UGGT1: variants seen among roughly 807,000 people sequenced by gnomAD.
UGGT1 encodes the protein UDP-glucose:glycoprotein glucosyltransferase 1.
Under a neutral mutation model 203.9 loss-of-function variants are expected in UGGT1, and 107 were observed. The ratio of observed to expected loss-of-function variants is 0.52; its 90% confidence interval spans 0.45 to 0.62. UGGT1 has a LOEUF of 0.62. Among genes scored for constraint, UGGT1 ranks in the 20% least tolerant of loss-of-function variants. UGGT1 has a pLI of 0.00. For synonymous variants in UGGT1, 628 were observed against 653.5 expected (o/e 0.96, Z 0.59); for missense variants, 1,673 against 1,867.2 (o/e 0.90, Z 1.92).
intron 23 of UGGT1, 99 bp downstream of exon 23, chr2:128,159,819 T>C: frequency 7.9e-7 from 1 of 1,267,396 alleles, no homozygotes; most frequent in Non-Finnish European, 1.1e-6. Context: ...CGATTTGTCA[T>C]TTTAGTCCTG....
intron 12 of UGGT1, 119 bp from the exon 13 acceptor site, chr2:128,128,910 A>G (rs1688743443): frequency 2.0e-6 from 2 of 1,014,388 alleles, no homozygotes; most frequent in Non-Finnish European, 2.8e-6. Context: ...TGCTTTTTTA[A>G]ATTTCTCAAT....
At position 128,189,838 on chromosome 2, in the gene UGGT1, C is replaced by A; in HGVS notation, c.*96C>A. 1 of 1,437,642 alleles carries A rather than the reference C, an allele frequency of 7.0e-7. No homozygotes were observed. The highest frequency in any genetic ancestry group is 1.9e-5 in the Admixed American group (1 of 52,626). 89.1% of individuals were successfully genotyped at this position (1,437,642 alleles called of 1,614,324 possible). On this transcript the variant is annotated 3_prime_UTR_variant, in exon 41 of 41. Transcript: ENST00000259253. The stretch of plus-strand genomic sequence containing the variant: ...TCTGTCTATACAACTGCTGATAAGC[C>A]GGCTGGGCAGGAGTGCCACACCTTT...
At position 128,172,689 on chromosome 2, in the gene UGGT1, T is replaced by C; in HGVS notation, c.3221T>C (p.Leu1074Ser). The C allele has an allele frequency of 6.2e-7, 1 of 1,614,170 alleles. No individual in the cohort carries two copies. The highest frequency in any genetic ancestry group is 8.5e-7 in the Non-Finnish European group (1 of 1,180,020). Residue 1074 changes from leucine to serine, a missense_variant, in exon 29 of 41, where the codon TTG becomes TCG. Leu to Ser is a moderately radical substitution (Grantham distance 145, BLOSUM62 -2). Coordinates refer to ENST00000259253, the MANE Select transcript of UGGT1 (RefSeq NM_020120.4). ...MPQSPLFTLNLNTPESWMVES... is the reference protein window; with the variant it reads ...MPQSPLFTLNSNTPESWMVES... ...CAGTCTCCACTGTTCACTCTGAATT[T>C]GAACACACCTGAGAGCTGGATGGTA... is the stretch of plus-strand genomic sequence containing the variant.
chr2:128,159,301 C>G (rs2104736973), intron 22 of UGGT1, among the ~76,000 whole-genome samples: 2 of 151,816 alleles, frequency 1.3e-5, no homozygotes, highest in Middle Eastern at 3.4e-3. Context: ...GAGTTTCACT[C>G]TGTTGGCCAG....
At position 128,098,220 on chromosome 2, in the gene UGGT1, G is replaced by T. The variant is rs570834556; in HGVS notation, c.194+656G>T. ...AAGTTTTAAGAGGTGATTGATAAAA[G>T]GAAGAGAAGAGGGCTTAGCAACGTG... On this transcript the variant is annotated intron_variant, in intron 2 of 40. Coordinates refer to ENST00000259253, the MANE Select transcript of UGGT1 (RefSeq NM_020120.4). Among the ~76,000 whole-genome samples the T allele has an allele frequency of 5.9e-5, 9 of 152,288 alleles. No individual in the cohort carries two copies. In the South Asian group the frequency reaches 1.9e-3, roughly 32 times the overall value.
intron 18 of UGGT1, among the ~76,000 whole-genome samples, chr2:128,147,438 A>G (rs1689744765): frequency 6.6e-6 from 1 of 152,158 alleles, no homozygotes; most frequent in South Asian, 2.1e-4. Context: ...TATATTTGAA[A>G]TCATTTATTT....
chr2:128,121,542 A>T (rs1186595818), intron 10 of UGGT1, among the ~76,000 whole-genome samples: 1 of 151,462 alleles, frequency 6.6e-6, no homozygotes, highest in Non-Finnish European at 1.5e-5. Flanking sequence ...AGTAGCTGGT[A>T]CTACAGACGT....
intron 23 of UGGT1, 121 bp downstream of exon 23, chr2:128,159,841 A>ATT: frequency 3.1e-5 from 27 of 862,252 alleles, no homozygotes; most frequent in East Asian, 1.7e-4. Context: ...GTCTCAGGGA[A>ATT]TTTTTTTTTT....
chr2:128,167,273 TG>T (rs1690844131), intron 26 of UGGT1, among the ~76,000 whole-genome samples: 1 of 152,234 alleles, frequency 6.6e-6, no homozygotes, highest in Non-Finnish European at 1.5e-5. Context: ...CTCCATGTTT[TG>T]TATAATTAAA....
At chr2:128,107,636 C>T (rs906273060) in intron 3 of UGGT1, among the ~76,000 whole-genome samples, 1 of 152,180 alleles carries the variant, frequency 6.6e-6, no homozygotes, top group Non-Finnish European at 1.5e-5. Flanking sequence ...TGGAGACTTT[C>T]TGGAGTAGGT....
intron 10 of UGGT1, among the ~76,000 whole-genome samples, chr2:128,122,426 C>T (rs917864271): frequency 1.3e-5 from 2 of 151,580 alleles, no homozygotes; most frequent in African/African-American, 2.4e-5. Flanking sequence ...CCCAGTTACT[C>T]GGGAGTCTGA....
At chr2:128,146,789 A>G (rs1423867890) in intron 18 of UGGT1, among the ~76,000 whole-genome samples, 4 of 152,162 alleles carry the variant, frequency 2.6e-5, no homozygotes, top group Non-Finnish European at 5.9e-5. Context: ...CCATTGGCAA[A>G]CACAAACCTA....
At position 128,172,768 on chromosome 2, in the gene UGGT1, A is replaced by G. The variant is rs1269293541; in HGVS notation, c.3294+6A>G. ...ATAATATTTATTTAGAAGAGGTAAG[A>G]CCATATCTATTGCTTCCAAATACCT... On this transcript the variant is annotated splice_donor_region_variant and intron_variant, in intron 29 of 40. Transcript: ENST00000259253. 1 of 1,610,404 alleles carries G rather than the reference A, an allele frequency of 6.2e-7. No homozygotes were observed. The highest frequency in any genetic ancestry group is 1.1e-5 in the South Asian group (1 of 90,928).
chr2:128,142,929 G>A (rs1434151337), intron 16 of UGGT1, among the ~76,000 whole-genome samples, 165 bp from the exon 17 acceptor site: 3 of 147,784 alleles, frequency 2.0e-5, no homozygotes, highest in African/African-American at 5.0e-5. Context: ...TCAGTGAGCC[G>A]AGATTGTGCC....
intron 9 of UGGT1, among the ~76,000 whole-genome samples, chr2:128,120,757 A>G (rs1386217791): frequency 2.0e-5 from 3 of 152,178 alleles, no homozygotes; most frequent in East Asian, 3.8e-4. Context: ...ACATTTCTTC[A>G]ACTGTTTATC....
intron 5 of UGGT1, among the ~76,000 whole-genome samples, chr2:128,112,475 A>G (rs1306672604): frequency 2.0e-4 from 7 of 34,720 alleles, no homozygotes; most frequent in African/African-American, 4.6e-4. Context: ...TATATATATT[A>G]CATACATACA....
At position 128,103,273 on chromosome 2, in the gene UGGT1, G is replaced by A. The variant is rs76422370; in HGVS notation, c.195-659G>A. On this transcript the variant is annotated intron_variant, in intron 2 of 40. Transcript: ENST00000259253. The stretch of plus-strand genomic sequence containing the variant: ...ATTCAATTACTACGTGCATTTCCTC[G>A]TAGGGGTTTTAGACTCTTGAATGAA... The A allele has an allele frequency of 4.7e-3, 1,317 of 280,412 alleles. 41 individuals are homozygous for A. In the East Asian group the frequency reaches 0.062, roughly 13 times the overall value. 17.4% of individuals were successfully genotyped at this position (280,412 alleles called of 1,614,324 possible). A position where few individuals can be genotyped will look rare whatever the true frequency, so the allele number is the denominator to read the frequency against.
intron 18 of UGGT1, among the ~76,000 whole-genome samples, chr2:128,146,499 T>G (rs1048738767): frequency 5.3e-5 from 8 of 152,130 alleles, no homozygotes; most frequent in Non-Finnish European, 1.0e-4. Flanking sequence ...CTAAGAAACA[T>G]TTATTCTATT....
chr2:128,171,090 G>A (rs1691074133), intron 27 of UGGT1, 115 bp from the exon 28 acceptor site: 2 of 946,426 alleles, frequency 2.1e-6, no homozygotes, highest in East Asian at 5.3e-5. Flanking sequence ...CGCCAGTGCA[G>A]ACTCTGTGGC....
Sources: gnomAD v4.1 joint callset for allele counts (sites outside exome capture counted in the v4.1 genomes callset) on GRCh38, gnomAD v4.1.1 for gene constraint, MANE v1.5 for transcripts, NCBI Gene and HGNC (gene_info 2026-07-23, HGNC 2026-07-21) for gene names.